The following INO80 variants were observed in gnomAD, a reference collection of about 807,000 sequenced individuals.
INO80 encodes chromatin-remodeling ATPase INO80.
In INO80, 20 loss-of-function variants were observed where a neutral mutation model predicts 203.4. The observed-to-expected ratio is 0.10, with a 90% CI of 0.07 to 0.14. The LOEUF (loss-of-function observed/expected upper bound fraction) is 0.14, where lower values mean the gene tolerates loss of function less well. Ranked by LOEUF, INO80 falls within the 10% of genes least tolerant of loss-of-function variation. The pLI is 1.00. For synonymous variants in INO80, 726 were observed against 685.2 expected (o/e 1.06, Z -0.93); for missense variants, 1,419 against 1,914.4 (o/e 0.74, Z 4.83).
intron 18 of INO80, 76 bp downstream of exon 18, chr15:41,055,171 A>T: frequency 1.3e-6 from 1 of 752,880 alleles, no homozygotes; most frequent in Non-Finnish European, 2.2e-6. Context: ...AAATTATTCA[A>T]ATAAAAGAAA....
chr15:40,982,339 G>A (rs1461994711), intron 35 of INO80, among the ~76,000 whole-genome samples: 1 of 152,140 alleles, frequency 6.6e-6, no homozygotes, highest in East Asian at 1.9e-4. Flanking sequence ...GGTAGAGACA[G>A]GGTTTCCTCA....
In INO80 at chr15:41,115,112, T is replaced by C. The variant is rs181716336; in HGVS notation, c.-44+861A>G. 3.5e-3 allele frequency among the ~76,000 whole-genome samples: 527 copies of C among 152,296 alleles called. 3 individuals are homozygous for C. Among genetic ancestry groups the C allele is most frequent in the South Asian group, 0.013 (62 of 4,828 alleles). ...TTTGTTGTGGAGGAAATAATGAAAG[T>C]CACTGACTGGAAAAGTAACCTGTGA... On this transcript the variant is annotated intron_variant, in intron 1 of 35. Coordinates refer to ENST00000648947, the MANE Select transcript of INO80 (RefSeq NM_017553.3).
chr15:40,983,444 A>G (rs547314484), intron 34 of INO80, among the ~76,000 whole-genome samples: 23 of 152,272 alleles, frequency 1.5e-4, no homozygotes, highest in African/African-American at 5.5e-4. Context: ...TCGAGTTTTG[A>G]ACCCAGAGCT....
At chr15:41,069,050 A>G (rs1056309757) in intron 14 of INO80, among the ~76,000 whole-genome samples, 3 of 152,218 alleles carry the variant, frequency 2.0e-5, no homozygotes, top group African/African-American at 7.2e-5. Context: ...TCCATTTATC[A>G]GGCTAAATGC....
intron 24 of INO80, among the ~76,000 whole-genome samples, chr15:41,037,319 C>T (rs2044593892): frequency 6.6e-6 from 1 of 151,616 alleles, no homozygotes; most frequent in Non-Finnish European, 1.5e-5. Flanking sequence ...ATCAGCCTGG[C>T]TAACATGGTG....
At chr15:41,073,518 T>C (rs2045356253) in intron 10 of INO80, 23 bp from the exon 11 acceptor site, 3 of 1,546,230 alleles carry the variant, frequency 1.9e-6, no homozygotes, top group Non-Finnish European at 2.7e-6. Flanking sequence ...ATTTATGGAT[T>C]ATCACACTTT....
intron 26 of INO80, 81 bp downstream of exon 26, chr15:41,020,819 T>C: frequency 1.3e-5 from 11 of 847,886 alleles, no homozygotes; most frequent in Non-Finnish European, 2.0e-5. Flanking sequence ...ATTCCAAATA[T>C]CTGAAAGGAC....
At position 40,980,483 on chromosome 15, in the gene INO80, C is replaced by G. The variant is rs375517483; in HGVS notation, c.4454-43G>C. On this transcript the variant is annotated intron_variant, in intron 35 of 35. Coordinates refer to ENST00000648947, the MANE Select transcript of INO80 (RefSeq NM_017553.3). ...GACAAGAACGTAAGCACCAGTCCCGCGTAAGCTTCCTTGGAGCCTGTGGCC... is the reference window on the plus strand; with the variant it reads ...GACAAGAACGTAAGCACCAGTCCCGGGTAAGCTTCCTTGGAGCCTGTGGCC... The G allele has an allele frequency of 8.1e-6, 12 of 1,473,438 alleles. No individual in the cohort carries two copies. In the African/African-American group the frequency reaches 1.4e-4, roughly 17 times the overall value. The allele number at this position is 1,473,438 out of a possible 1,614,324, so 91.3% of individuals were successfully genotyped here.
rs1218336104 is a variant in INO80, at chr15:40,979,134, T to C, written c.*1089A>G. ...CCCTACTCCAAAAAAGTTTTAAAAATCAATCTATCGAAACTCAATTCCGCG... is the reference window on the plus strand; with the variant it reads ...CCCTACTCCAAAAAAGTTTTAAAAACCAATCTATCGAAACTCAATTCCGCG... On this transcript the variant is annotated 3_prime_UTR_variant, in exon 36 of 36. Coordinates refer to ENST00000648947, the MANE Select transcript of INO80 (RefSeq NM_017553.3). 2 of 152,590 alleles carry C rather than the reference T, an allele frequency of 1.3e-5. No homozygotes were observed. Among genetic ancestry groups the C allele is most frequent in the East Asian group, 3.9e-4 (2 of 5,190 alleles). 9.5% of individuals were successfully genotyped at this position (152,590 alleles called of 1,614,324 possible). A position where few individuals can be genotyped will look rare whatever the true frequency, so the allele number is the denominator to read the frequency against.
At chr15:41,101,938 TC>T (rs1337041548) in intron 1 of INO80, among the ~76,000 whole-genome samples, 1 of 148,866 alleles carries the variant, frequency 6.7e-6, no homozygotes, top group Non-Finnish European at 1.5e-5. Flanking sequence ...ATGCCTGTAA[TC>T]CCAGCACTTT....
rs184389201 is a variant in INO80 at position 41,107,067 on chromosome 15, C to T, written c.-44+8906G>A. Reference sequence around the variant, plus strand: ...CAGATTCCACTCATTTCCAAAGTTACTTAAATCAGCACCTTCCTCCCGTTT... The same window carrying T: ...CAGATTCCACTCATTTCCAAAGTTATTTAAATCAGCACCTTCCTCCCGTTT... On this transcript the variant is annotated intron_variant, in intron 1 of 35. Coordinates refer to ENST00000648947, the MANE Select transcript of INO80 (RefSeq NM_017553.3). 4.5e-3 allele frequency among the ~76,000 whole-genome samples: 692 copies of T among 152,338 alleles called. 6 individuals are homozygous for T. The highest frequency in any genetic ancestry group is 0.015 in the African/African-American group (644 of 41,586).
chr15:40,993,274 G>GTT (rs533067661), intron 29 of INO80, among the ~76,000 whole-genome samples: 15 of 148,366 alleles, frequency 1.0e-4, no homozygotes, highest in Middle Eastern at 3.2e-3. Flanking sequence ...AATCTGCTTA[G>GTT]TTTTTTTTTT....
intron 27 of INO80, chr15:41,013,185 C>G (rs756352225): frequency 6.6e-6 from 1 of 152,160 alleles, no homozygotes; most frequent in Admixed American, 6.5e-5. Context: ...CTTTGATACC[C>G]GCAATGTGAG....
At chr15:41,008,396 T>G (rs1216738660) in intron 27 of INO80, among the ~76,000 whole-genome samples, 1 of 151,836 alleles carries the variant, frequency 6.6e-6, no homozygotes, top group African/African-American at 2.4e-5. Flanking sequence ...CTCATAAAAG[T>G]AGAGAGTAGA....
intron 29 of INO80, among the ~76,000 whole-genome samples, chr15:40,995,489 C>T (rs760908625): frequency 1.1e-4 from 16 of 152,204 alleles, no homozygotes; most frequent in African/African-American, 1.9e-4. Context: ...ATAAAGGACA[C>T]AAATGAAGAG....
intron 14 of INO80, among the ~76,000 whole-genome samples, chr15:41,065,331 G>A (rs543164005): frequency 6.6e-6 from 1 of 151,522 alleles, no homozygotes; most frequent in African/African-American, 2.4e-5. Context: ...CCAGCTACTC[G>A]GGAGGCTGAG....
At chr15:41,085,607 G>T (rs1374199151) in intron 6 of INO80, 24 bp from the exon 7 acceptor site, 15 of 1,587,190 alleles carry the variant, frequency 9.5e-6, no homozygotes, top group African/African-American at 6.7e-5. Flanking sequence ...AGATGCAACA[G>T]GTTGCACTTC....
At chr15:40,989,956 T>C (rs1442927193) in intron 29 of INO80, among the ~76,000 whole-genome samples, 5 of 152,212 alleles carry the variant, frequency 3.3e-5, no homozygotes, top group Admixed American at 3.3e-4. Flanking sequence ...TTCAAGCTTC[T>C]AGGAAGCTCG....
intron 4 of INO80, among the ~76,000 whole-genome samples, chr15:41,093,778 G>A (rs1831312346): frequency 2.0e-5 from 3 of 152,044 alleles, no homozygotes; most frequent in East Asian, 1.9e-4. Context: ...CCAGGAGGTC[G>A]AAGCTGCACT....
Sources: allele counts gnomAD v4.1 joint callset (sites outside exome capture counted in the v4.1 genomes callset), GRCh38; gene constraint gnomAD v4.1.1; transcripts MANE v1.5; gene names NCBI Gene and HGNC (gene_info 2026-07-23, HGNC 2026-07-21).